The following MAPK11 variants were observed in gnomAD, a reference collection of about 807,000 sequenced individuals.
The protein encoded by MAPK11 is MAP kinase 11.
MAPK11 carries 44 observed loss-of-function variants against 52.2 expected under a neutral mutation model. The ratio of observed to expected loss-of-function variants is 0.84; its 90% confidence interval spans 0.66 to 1.08. The LOEUF is 1.08. MAPK11 is among the 50% of genes least tolerant of loss of function. The probability of loss-of-function intolerance (pLI) is 0.00; values close to 1 mark genes in which losing one functional copy is unlikely to be tolerated. For missense variants in MAPK11, 436 were observed against 494.7 expected, an observed-to-expected ratio of 0.88 and a Z score of 1.13; for synonymous variants, 233 against 206.3, an observed-to-expected ratio of 1.13 and a Z score of -1.11.
intron 8 of MAPK11, 63 bp downstream of exon 8, chr22:50,266,477 C>T (rs1378597811): frequency 2.0e-6 from 3 of 1,472,446 alleles, no homozygotes. Context: ...GGGGCCAGCG[C>T]TGGTCCCTAC....
chr22:50,269,851 C>T (rs949298996), intron 1 of MAPK11, among the ~76,000 whole-genome samples: 8 of 152,158 alleles, frequency 5.3e-5, no homozygotes, highest in African/African-American at 1.9e-4. Context: ...TTTAGGGGCC[C>T]GGACATCAGG....
rs201765390 is a variant in MAPK11, at chr22:50,264,654, A to G, written c.*294T>C. On this transcript the variant is annotated 3_prime_UTR_variant, in exon 12 of 12. Transcript: ENST00000330651. ...AACTCCGCAGGGGAACCCCTTTGGC[A>G]TCTAGGACCCCACAGTCAGGTCCCA... is the stretch of plus-strand genomic sequence containing the variant. 2.0e-4 allele frequency: 67 copies of G among 327,174 alleles called. 1 individual carries two copies. Among genetic ancestry groups the G allele is most frequent in the African/African-American group, 1.1e-3 (54 of 47,698 alleles). 20.3% of individuals were successfully genotyped at this position (327,174 alleles called of 1,614,324 possible).
intron 2 of MAPK11, 77 bp from the exon 3 acceptor site, chr22:50,267,704 T>C (rs998240572): frequency 5.2e-5 from 75 of 1,437,924 alleles, no homozygotes; most frequent in Non-Finnish European, 6.2e-5. Flanking sequence ...ACGCCCCCAG[T>C]GCCAGGCCGC....
Position 50,270,114 on chromosome 22 carries a change from G to A in MAPK11, c.116+63C>T, listed in dbSNP as rs1262094870. 4.7e-6 allele frequency: 4 copies of A among 859,118 alleles called. No homozygotes were observed. The highest frequency in any genetic ancestry group is 6.4e-6 in the Non-Finnish European group (4 of 626,570). The allele number at this position is 859,118 out of a possible 1,614,324, so 53.2% of individuals were successfully genotyped here. A position where few individuals can be genotyped will look rare whatever the true frequency, so the allele number is the denominator to read the frequency against. On this transcript the variant is annotated intron_variant, in intron 1 of 11. Transcript: ENST00000330651. The surrounding 1 kb of genome is among the most constrained non-coding windows in gnomAD (Gnocchi z 6.3). ...ACGCCGAGAACCTCGCGCGGGCGAG[G>A]AGGGGACGCGCTCTCCGGCCCGGCC... is the stretch of plus-strand genomic sequence containing the variant.
Position 50,265,010 on chromosome 22 carries a change from C to T in MAPK11, c.1033G>A (p.Val345Ile), listed in dbSNP as rs137925943. Residue 345 changes from valine (V) to isoleucine (I), a missense_variant, in exon 12 of 12, where the codon GTC becomes ATC. Val to Ile is a conservative substitution (Grantham distance 29). Coordinates refer to ENST00000330651, the MANE Select transcript of MAPK11 (RefSeq NM_002751.7). The stretch of plus-strand genomic sequence containing the variant: ...GGCTCTGGGGGCTTGAAGCTGAGGA[C>T]TTCCTGGTAAGTGAGCTCTAGGAGG... ...EEWKELTYQEVLSFKPPEPPK... is the reference protein window; with the variant it reads ...EEWKELTYQEILSFKPPEPPK... 3.7e-6 allele frequency: 6 copies of T among 1,613,350 alleles called. No individual in the cohort carries two copies. The highest frequency in any genetic ancestry group is 2.2e-5 in the South Asian group (2 of 91,016).
chr22:50,266,866 C>CA (rs2065266392), intron 7 of MAPK11, 68 bp downstream of exon 7: 1 of 1,451,036 alleles, frequency 6.9e-7, no homozygotes, highest in East Asian at 2.3e-5. Flanking sequence ...TAAGACCTGG[C>CA]ATGCAGAGCC....
At chr22:50,269,090 A>G (rs2065288127) in intron 1 of MAPK11, among the ~76,000 whole-genome samples, 1 of 152,130 alleles carries the variant, frequency 6.6e-6, no homozygotes, top group African/African-American at 2.4e-5. Flanking sequence ...AGCAACTCCC[A>G]GACGGCGAGT....
rs201873283 is a variant in MAPK11 at position 50,266,225 on chromosome 22, C to T, written c.762+1G>A. The T allele has an allele frequency of 9.5e-6, 15 of 1,585,192 alleles. No individual in the cohort carries two copies. Among genetic ancestry groups the T allele is most frequent in the Admixed American group, 3.5e-5 (2 of 56,644 alleles). On this transcript the variant is annotated splice_donor_variant, in intron 9 of 11. Coordinates refer to ENST00000330651, the MANE Select transcript of MAPK11 (RefSeq NM_002751.7). LOFTEE classifies it high-confidence loss of function. Reference sequence around the variant, plus strand: ...CTGCTGGCTGGCGGGCACCAACTCACGTGTTCTGAGGAGATTTTTGCCAGA... The same window carrying T: ...CTGCTGGCTGGCGGGCACCAACTCATGTGTTCTGAGGAGATTTTTGCCAGA...
intron 1 of MAPK11, 25 bp from the exon 2 acceptor site, chr22:50,267,974 C>T (rs569440143): frequency 5.2e-6 from 8 of 1,525,056 alleles, no homozygotes; most frequent in South Asian, 1.2e-5. Flanking sequence ...AGTGAGGCGG[C>T]GCCGGGAGGG....
rs1487168255 is a variant in MAPK11, at chr22:50,265,469, C to A, written c.867G>T (p.Leu289=). Reference sequence around the variant, plus strand: ...TGACCCTCTGGTCACTGTCCAGCACCAGCATCCTTCCAAGGAGGTCTATGG... The same window carrying A: ...TGACCCTCTGGTCACTGTCCAGCACAAGCATCCTTCCAAGGAGGTCTATGG... ...PLAIDLLGRM[L]VLDSDQRVSA... The change falls in exon 11 of 12, where the codon CTG becomes CTT. Residue 289 remains leucine, a synonymous_variant. Transcript: ENST00000330651. The A allele has an allele frequency of 6.2e-7, 1 of 1,613,144 alleles. No individual in the cohort carries two copies. The highest frequency in any genetic ancestry group is 1.6e-4 in the Middle Eastern group (1 of 6,062).
intron 9 of MAPK11, 122 bp downstream of exon 9, chr22:50,266,104 C>T (rs2065259988): frequency 3.8e-6 from 3 of 799,618 alleles, no homozygotes; most frequent in Non-Finnish European, 5.9e-6. Context: ...CTGCCCTAGG[C>T]TCTATCCCAC....
Position 50,267,048 on chromosome 22 carries a change from TC to T in MAPK11, c.496-1del. On this transcript the variant is annotated splice_acceptor_variant, in intron 6 of 11. Coordinates refer to ENST00000330651, the MANE Select transcript of MAPK11 (RefSeq NM_002751.7). LOFTEE classifies it high-confidence loss of function. ...TGGCGCGCCAGCCCAAAATCCAGGA[TC>T]TGGGGCGACCACGTGGTGTTCTCAA... The T allele has an allele frequency of 6.2e-7, 1 of 1,611,940 alleles. No homozygotes were observed.
chr22:50,268,465 T>C (rs1368662882), intron 1 of MAPK11, among the ~76,000 whole-genome samples: 2 of 152,208 alleles, frequency 1.3e-5, no homozygotes, highest in Non-Finnish European at 2.9e-5. Flanking sequence ...GAGGTGTTTA[T>C]TGCATCATTA....
intron 1 of MAPK11, among the ~76,000 whole-genome samples, chr22:50,268,529 C>G (rs1045496491): frequency 6.6e-6 from 1 of 152,210 alleles, no homozygotes; most frequent in African/African-American, 2.4e-5. Flanking sequence ...GTCAGCTGGA[C>G]CCACAGAACA....
In MAPK11 at chr22:50,267,370, C is replaced by T. The variant is rs1238961150; in HGVS notation, c.417+1G>A. 2 of 1,607,736 alleles carry T rather than the reference C, an allele frequency of 1.2e-6. No homozygotes were observed. Among genetic ancestry groups the T allele is most frequent in the Admixed American group, 3.4e-5 (2 of 59,478 alleles). ...GACCCGCGAAGCCCAGGGCGCCCCACCTTCAGCCCGCGCAGCAGCTGGTAA... is the reference window on the plus strand; with the variant it reads ...GACCCGCGAAGCCCAGGGCGCCCCATCTTCAGCCCGCGCAGCAGCTGGTAA... On this transcript the variant is annotated splice_donor_variant, in intron 4 of 11. Transcript: ENST00000330651. LOFTEE classifies it high-confidence loss of function.
In MAPK11 at chr22:50,265,045, A is replaced by G. The variant is rs775827224; in HGVS notation, c.1016-18T>C. On this transcript the variant is annotated intron_variant, in intron 11 of 11. Transcript: ENST00000330651. ...AGTGAGCTCTAGGAGGTGAAGGGAA[A>G]GGGTGAGCTTGTGCCTCCCACAGCC... The G allele has an allele frequency of 1.7e-5, 28 of 1,606,210 alleles. No homozygotes were observed. Among genetic ancestry groups the G allele is most frequent in the African/African-American group, 5.4e-5 (4 of 74,760 alleles).
Position 50,270,372 on chromosome 22 carries a change from G to T in MAPK11, c.-80C>A. On this transcript the variant is annotated 5_prime_UTR_variant, in exon 1 of 12. Transcript: ENST00000330651. This position sits in a 1 kb window ranked among gnomAD's most constrained non-coding sequence, Gnocchi z 6.3. ...CCGAGCCGAGCCCGAGCCGAGCGGAGCGGAGGGCGGCGGAGGCGGCGGCGG... is the reference window on the plus strand; with the variant it reads ...CCGAGCCGAGCCCGAGCCGAGCGGATCGGAGGGCGGCGGAGGCGGCGGCGG... The T allele has an allele frequency of 2.9e-6, 1 of 343,558 alleles. No homozygotes were observed. Among genetic ancestry groups the T allele is most frequent in the Non-Finnish European group, 4.1e-6 (1 of 244,682 alleles). The allele number at this position is 343,558 out of a possible 1,614,324, so 21.3% of individuals were successfully genotyped here. A position where few individuals can be genotyped will look rare whatever the true frequency, so the allele number is the denominator to read the frequency against.
rs200171398 is a variant in MAPK11 at position 50,267,016 on chromosome 22, G to C, written c.528C>G (p.Asp176Glu). Residue 176 changes from aspartate (D) to glutamate (E), a missense_variant, in exon 7 of 12, where the codon GAC (aspartate) becomes GAG (glutamate). Coordinates refer to ENST00000330651, the MANE Select transcript of MAPK11 (RefSeq NM_002751.7). ...ILDFGLARQADEEMTGYVATR... is the reference protein window; with the variant it reads ...ILDFGLARQAEEEMTGYVATR... The stretch of plus-strand genomic sequence containing the variant: ...TGGCCACATAGCCGGTCATCTCCTC[G>C]TCCGCCTGGCGCGCCAGCCCAAAAT... 51 of 1,612,358 alleles carry C rather than the reference G, an allele frequency of 3.2e-5. No homozygotes were observed. The highest frequency in any genetic ancestry group is 4.5e-5 in the East Asian group (2 of 44,888).
At position 50,270,359 on chromosome 22, in the gene MAPK11, C is replaced by G. The variant is rs890655958; in HGVS notation, c.-67G>C. On this transcript the variant is annotated 5_prime_UTR_variant, in exon 1 of 12. Coordinates refer to ENST00000330651, the MANE Select transcript of MAPK11 (RefSeq NM_002751.7). This position sits in a 1 kb window ranked among gnomAD's most constrained non-coding sequence, Gnocchi z 6.3. ...CCCGCGCCCGCGCCCGAGCCGAGCC[C>G]GAGCCGAGCGGAGCGGAGGGCGGCG... 1 of 567,140 alleles carries G rather than the reference C, an allele frequency of 1.8e-6. No individual in the cohort carries two copies. The highest frequency in any genetic ancestry group is 2.3e-6 in the Non-Finnish European group (1 of 441,138). 35.1% of individuals were successfully genotyped at this position (567,140 alleles called of 1,614,324 possible).
Sources: gnomAD v4.1 joint callset for allele counts (sites outside exome capture counted in the v4.1 genomes callset) on GRCh38, gnomAD v4.1.1 for gene constraint, Gnocchi (gnomAD v3.1) non-coding constraint, MANE v1.5 for transcripts, NCBI Gene and HGNC (gene_info 2026-07-23, HGNC 2026-07-21) for gene names.